The following CFAP299 variants were observed in gnomAD, a reference collection of about 807,000 sequenced individuals.
CFAP299 encodes the protein cilia- and flagella-associated protein 299.
In CFAP299, 21 loss-of-function variants were observed where a neutral mutation model predicts 27.0. The observed-to-expected ratio is 0.78, with a 90% CI of 0.55 to 1.12. CFAP299 has a LOEUF of 1.12. Ranked by LOEUF, CFAP299 falls within the 50% of genes most tolerant of loss-of-function variation. CFAP299 has a pLI of 0.00. For missense variants in CFAP299, 310 were observed against 276.6 expected (o/e 1.12, Z -0.86); for synonymous variants, 104 against 98.1 (o/e 1.06, Z -0.36).
At chr4:80,604,795 CAA>C (rs538568970) in intron 3 of CFAP299, among the ~76,000 whole-genome samples, 1 of 151,044 alleles carries the variant, frequency 6.6e-6, no homozygotes, top group South Asian at 2.1e-4. Flanking sequence ...ATAAATTTTA[CAA>C]GAGTATGAAT....
intron 2 of CFAP299, among the ~76,000 whole-genome samples, chr4:80,572,928 C>G (rs1735666081): frequency 6.6e-6 from 1 of 152,080 alleles, no homozygotes; most frequent in Non-Finnish European, 1.5e-5. Context: ...AAAAATACTG[C>G]AACAAACATG....
At chr4:80,613,532 C>G (rs1738109790) in intron 3 of CFAP299, among the ~76,000 whole-genome samples, 1 of 152,116 alleles carries the variant, frequency 6.6e-6, no homozygotes, top group Non-Finnish European at 1.5e-5. Flanking sequence ...AATAGAAACA[C>G]TTTTTCCTCC....
At chr4:80,573,385 A>AG (rs1735690854) in intron 2 of CFAP299, among the ~76,000 whole-genome samples, 1 of 151,922 alleles carries the variant, frequency 6.6e-6, no homozygotes, top group Non-Finnish European at 1.5e-5. Context: ...CCTTGTCAGA[A>AG]GGGTAGTTTT....
chr4:80,535,058 A>G (rs1470723084), intron 2 of CFAP299, among the ~76,000 whole-genome samples: 1 of 152,104 alleles, frequency 6.6e-6, no homozygotes, highest in Non-Finnish European at 1.5e-5. Flanking sequence ...GAGAGGAGAG[A>G]CTCGGAGTTT....
chr4:80,670,690 G>A (rs1375377633), intron 3 of CFAP299, among the ~76,000 whole-genome samples: 1 of 152,162 alleles, frequency 6.6e-6, no homozygotes, highest in Non-Finnish European at 1.5e-5. Flanking sequence ...TCTAACTGGT[G>A]TGAGATGGTA....
At chr4:80,785,780 T>C (rs1390833894) in intron 3 of CFAP299, among the ~76,000 whole-genome samples, 1 of 152,148 alleles carries the variant, frequency 6.6e-6, no homozygotes, top group East Asian at 1.9e-4. Context: ...GATATTTTTT[T>C]CCCAATGGTT....
At chr4:80,773,816 A>G (rs1726363099) in intron 3 of CFAP299, among the ~76,000 whole-genome samples, 2 of 151,976 alleles carry the variant, frequency 1.3e-5, no homozygotes, top group South Asian at 4.1e-4. Flanking sequence ...TCTTAGGTCA[A>G]AAGTTATAAA....
chr4:80,851,923 T>A (rs1182864222), intron 3 of CFAP299, among the ~76,000 whole-genome samples: 1 of 152,130 alleles, frequency 6.6e-6, no homozygotes, highest in Non-Finnish European at 1.5e-5. Context: ...AAGATTCAGC[T>A]GGTGTTTATT....
chr4:80,485,097 C>T (rs1056061639), intron 2 of CFAP299, among the ~76,000 whole-genome samples: 11 of 152,144 alleles, frequency 7.2e-5, no homozygotes, highest in Middle Eastern at 6.8e-3. Flanking sequence ...GTGGAGACAG[C>T]TAGGCATTTT....
intron 2 of CFAP299, among the ~76,000 whole-genome samples, chr4:80,565,327 T>G (rs980980580): frequency 2.6e-5 from 4 of 152,212 alleles, no homozygotes; most frequent in South Asian, 2.1e-4. Context: ...CTGTTACTAC[T>G]ATGGCATAAT....
chr4:80,728,283 C>T (rs1366036606), intron 3 of CFAP299, among the ~76,000 whole-genome samples: 1 of 152,000 alleles, frequency 6.6e-6, no homozygotes, highest in Non-Finnish European at 1.5e-5. Context: ...TCCATATCCA[C>T]AAAACTTTGG....
intron 2 of CFAP299, among the ~76,000 whole-genome samples, chr4:80,480,615 CTAAT>C (rs1162865871): frequency 1.3e-5 from 2 of 151,918 alleles, no homozygotes; most frequent in Admixed American, 1.3e-4. Context: ...TTTTCAAGGC[CTAAT>C]TAGTTTTGTC....
chr4:80,469,046 A>G (rs987334741), intron 2 of CFAP299, among the ~76,000 whole-genome samples: 1 of 152,112 alleles, frequency 6.6e-6, no homozygotes, highest in Non-Finnish European at 1.5e-5. Context: ...CGGCAAAAAT[A>G]CTCTACTAAA....
chr4:80,379,248 A>G (rs1403246645), intron 2 of CFAP299, among the ~76,000 whole-genome samples: 1 of 152,038 alleles, frequency 6.6e-6, no homozygotes, highest in Non-Finnish European at 1.5e-5. Flanking sequence ...TTATCATTTT[A>G]ATATATGTAG....
intron 2 of CFAP299, among the ~76,000 whole-genome samples, chr4:80,366,930 G>A (rs139013946): frequency 6.6e-6 from 1 of 152,026 alleles, no homozygotes; most frequent in South Asian, 2.1e-4. Context: ...AACACATTAG[G>A]GTAAGCAAAG....
At chr4:80,514,502 T>C (rs1285459703) in intron 2 of CFAP299, among the ~76,000 whole-genome samples, 2 of 152,038 alleles carry the variant, frequency 1.3e-5, no homozygotes, top group Non-Finnish European at 2.9e-5. Context: ...ATTATGAGCA[T>C]AAAAATGAGT....
At chr4:80,856,369 T>C (rs1290850209) in intron 3 of CFAP299, among the ~76,000 whole-genome samples, 2 of 150,802 alleles carry the variant, frequency 1.3e-5, no homozygotes, top group East Asian at 1.9e-4. Flanking sequence ...TTCACTCTGA[T>C]GGTAGTTTCT....
At chr4:80,615,994 A>G (rs2109924258) in intron 3 of CFAP299, among the ~76,000 whole-genome samples, 1 of 152,156 alleles carries the variant, frequency 6.6e-6, no homozygotes, top group Middle Eastern at 3.4e-3. Flanking sequence ...CTATATTAAT[A>G]CTCAGTTACT....
chr4:80,808,006 A>G (rs140583921), intron 3 of CFAP299, among the ~76,000 whole-genome samples: 317 of 150,830 alleles, frequency 2.1e-3, no homozygotes, highest in Non-Finnish European at 3.2e-3. Flanking sequence ...CATGTGAGCA[A>G]TTTAAACACT....
Sources: gnomAD v4.1 joint callset for allele counts (sites outside exome capture counted in the v4.1 genomes callset) on GRCh38, gnomAD v4.1.1 for gene constraint, MANE v1.5 for transcripts, NCBI Gene and HGNC (gene_info 2026-07-23, HGNC 2026-07-21) for gene names.